Variants in ROBO1 observed in about 807,000 individuals in gnomAD.
ROBO1 encodes roundabout homolog 1.
ROBO1 carries 149 observed loss-of-function variants against 195.9 expected under a neutral mutation model. The ratio of observed to expected loss-of-function variants is 0.76; its 90% confidence interval spans 0.67 to 0.87. The LOEUF (loss-of-function observed/expected upper bound fraction) is 0.87. Ranked by LOEUF, ROBO1 falls within the 40% of genes least tolerant of loss-of-function variation. ROBO1 has a pLI of 0.00. For synonymous variants in ROBO1, 816 were observed against 733.2 expected (o/e 1.11, Z -1.82); for missense variants, 1,933 against 2,068.3 (o/e 0.93, Z 1.27).
At chr3:79,288,357 T>C (rs937578303) in intron 2 of ROBO1, among the ~76,000 whole-genome samples, 5 of 152,152 alleles carry the variant, frequency 3.3e-5, no homozygotes, top group African/African-American at 1.2e-4. Flanking sequence ...AGTTTAAAGA[T>C]AGAACTTCCA....
intron 4 of ROBO1, among the ~76,000 whole-genome samples, chr3:78,936,256 A>G (rs1248522339): frequency 6.6e-6 from 1 of 152,026 alleles, no homozygotes; most frequent in Admixed American, 6.6e-5. Flanking sequence ...ACCAAGAAAT[A>G]CAGTTGTTGT....
chr3:79,588,267 CT>C (rs1328043917), intron 2 of ROBO1, among the ~76,000 whole-genome samples: 2 of 151,712 alleles, frequency 1.3e-5, no homozygotes, highest in African/African-American at 4.8e-5. Flanking sequence ...ATGCAATATC[CT>C]TTTGAATAAA....
chr3:79,160,865 C>A (rs973139791), intron 2 of ROBO1, among the ~76,000 whole-genome samples: 1 of 151,978 alleles, frequency 6.6e-6, no homozygotes, highest in Admixed American at 6.6e-5. Flanking sequence ...CCTCACCCCC[C>A]CAACCTCAAG....
At chr3:78,617,578 C>G (rs919776375) in intron 27 of ROBO1, 57 bp downstream of exon 27, 6 of 1,500,028 alleles carry the variant, frequency 4.0e-6, no homozygotes, top group African/African-American at 2.8e-5. Flanking sequence ...GAATCAGCAA[C>G]AAACATATAT....
chr3:79,734,760 G>A (rs1477182171), intron 1 of ROBO1, among the ~76,000 whole-genome samples: 3 of 150,808 alleles, frequency 2.0e-5, no homozygotes, highest in East Asian at 1.9e-4. Context: ...GTCAAACTCC[G>A]TTTTTCTAAA....
In ROBO1 at chr3:78,941,289, G is replaced by GA. The variant is rs544744099; in HGVS notation, c.173-2363dup. ...GAGGAAATAAACTAGCAATATAAAAGAAAAAAATTACTTGGAAACTTATAC... is the reference window on the plus strand; with the variant it reads ...GAGGAAATAAACTAGCAATATAAAAGAAAAAAAATTACTTGGAAACTTATAC... On this transcript the variant is annotated intron_variant, in intron 3 of 30. Transcript: ENST00000464233. Among the ~76,000 whole-genome samples the GA allele has an allele frequency of 3.9e-5, 6 of 152,126 alleles. No homozygotes were observed. The South Asian group carries it at 1.0e-3, about 26-fold the overall frequency.
chr3:78,941,002 G>A lies in ROBO1; in HGVS notation c.173-2075C>T, dbSNP rs929866354. The stretch of plus-strand genomic sequence containing the variant: ...TATTTTTCAAAGTTATAACTAATAC[G>A]TATACATTCAACCTTTAATAGACTG... On this transcript the variant is annotated intron_variant, in intron 3 of 30. Coordinates refer to ENST00000464233, the MANE Select transcript of ROBO1 (RefSeq NM_002941.4). Among the ~76,000 whole-genome samples, 6 of 152,098 alleles carry A rather than the reference G, an allele frequency of 3.9e-5. No homozygotes were observed. The South Asian group carries it at 8.3e-4, about 21-fold the overall frequency.
At chr3:78,651,689 T>G in intron 19 of ROBO1, 43 bp downstream of exon 19, 1 of 1,414,074 alleles carries the variant, frequency 7.1e-7, no homozygotes, top group Non-Finnish European at 9.4e-7. Context: ...AAATCAAGAG[T>G]TTTATAAACA....
intron 2 of ROBO1, among the ~76,000 whole-genome samples, chr3:79,265,441 A>G (rs986685018): frequency 1.3e-5 from 2 of 151,652 alleles, no homozygotes; most frequent in African/African-American, 4.8e-5. Flanking sequence ...ACACAATTAT[A>G]CAATATGAAT....
At chr3:78,890,172 C>T (rs2036807129) in intron 4 of ROBO1, among the ~76,000 whole-genome samples, 1 of 152,078 alleles carries the variant, frequency 6.6e-6, no homozygotes, top group Non-Finnish European at 1.5e-5. Flanking sequence ...GCTGTATACT[C>T]AGGATTCAGA....
At chr3:79,584,722 T>C (rs572004212) in intron 2 of ROBO1, among the ~76,000 whole-genome samples, 1 of 150,548 alleles carries the variant, frequency 6.6e-6, no homozygotes, top group African/African-American at 2.4e-5. Flanking sequence ...ATGTGGGGAA[T>C]GTGATTAGAG....
intron 3 of ROBO1, among the ~76,000 whole-genome samples, chr3:78,973,352 G>GA (rs1194118177): frequency 6.1e-5 from 9 of 148,380 alleles, no homozygotes; most frequent in Non-Finnish European, 1.3e-4. Flanking sequence ...CCTTTGTACT[G>GA]AAAAAAAGAC....
chr3:79,683,223 A>G (rs941354290), intron 1 of ROBO1, among the ~76,000 whole-genome samples: 1 of 152,022 alleles, frequency 6.6e-6, no homozygotes, highest in Non-Finnish European at 1.5e-5. Flanking sequence ...TTCATGTGAG[A>G]ATTAAGATAA....
At chr3:78,933,327 T>G (rs1162786448) in intron 4 of ROBO1, among the ~76,000 whole-genome samples, 1 of 152,150 alleles carries the variant, frequency 6.6e-6, no homozygotes, top group Non-Finnish European at 1.5e-5. Flanking sequence ...TTAACTACTC[T>G]TTGGAAAGCA....
chr3:79,147,934 T>G (rs2080688001), intron 2 of ROBO1, among the ~76,000 whole-genome samples: 1 of 151,974 alleles, frequency 6.6e-6, no homozygotes, highest in African/African-American at 2.4e-5. Context: ...TTTCCATGCC[T>G]GCTTATAGTT....
At chr3:79,503,151 A>C (rs1189724763) in intron 2 of ROBO1, among the ~76,000 whole-genome samples, 1 of 152,130 alleles carries the variant, frequency 6.6e-6, no homozygotes, top group Admixed American at 6.5e-5. Flanking sequence ...TGTAACACTC[A>C]CTGCGAAGGT....
Position 78,670,311 on chromosome 3 carries a change from G to T in ROBO1, c.1343-10C>A. The T allele has an allele frequency of 6.4e-7, 1 of 1,551,372 alleles. No homozygotes were observed. Among genetic ancestry groups the T allele is most frequent in the South Asian group, 1.2e-5 (1 of 84,152 alleles). On this transcript the variant is annotated splice_polypyrimidine_tract_variant and intron_variant, in intron 10 of 30. Coordinates refer to ENST00000464233, the MANE Select transcript of ROBO1 (RefSeq NM_002941.4). The stretch of plus-strand genomic sequence containing the variant: ...GGCCGATCTGCAATCACTGCCAGAA[G>T]AAACAACAGGAAATAGATTTCTGCA...
chr3:79,352,484 A>G (rs1161059625), intron 2 of ROBO1, among the ~76,000 whole-genome samples: 2 of 152,196 alleles, frequency 1.3e-5, no homozygotes, highest in African/African-American at 4.8e-5. Context: ...ACGGACGTTA[A>G]TCAGATTTCA....
chr3:78,706,633 C>T (rs1003142415), intron 8 of ROBO1, among the ~76,000 whole-genome samples: 6 of 152,092 alleles, frequency 3.9e-5, no homozygotes, highest in South Asian at 4.2e-4. Context: ...TGAACCATGA[C>T]GCCCAGCTTT....
Sources: allele counts gnomAD v4.1 joint callset (sites outside exome capture counted in the v4.1 genomes callset), GRCh38; gene constraint gnomAD v4.1.1; transcripts MANE v1.5; gene names NCBI Gene and HGNC (gene_info 2026-07-23, HGNC 2026-07-21).